Variants in ZDHHC14 observed in about 807,000 individuals in gnomAD.
The protein encoded by ZDHHC14 is zDHHC palmitoyltransferase 14, also known as palmitoyltransferase ZDHHC14.
A neutral mutation model predicts 47.7 loss-of-function variants in ZDHHC14; 16 were observed. The observed-to-expected ratio is 0.34, with a 90% CI of 0.23 to 0.51. The LOEUF is 0.51. Ranked by LOEUF, ZDHHC14 falls within the 20% of genes least tolerant of loss-of-function variation. The probability of loss-of-function intolerance (pLI) is 0.97; values close to 1 mark genes in which losing one functional copy is unlikely to be tolerated. For missense variants in ZDHHC14, 515 were observed against 662.5 expected, an observed-to-expected ratio of 0.78 and a Z score of 2.44; for synonymous variants, 293 against 278.9, an observed-to-expected ratio of 1.05 and a Z score of -0.50.
rs565488346 is a variant in ZDHHC14 at position 157,385,949 on chromosome 6, A to G, written c.245+3683A>G. Reference sequence around the variant, plus strand: ...TGAGATTAATAATAATCTACCTTTAAATGATGGGAAGATTAAATAGAAAAT... The same window carrying G: ...TGAGATTAATAATAATCTACCTTTAGATGATGGGAAGATTAAATAGAAAAT... On this transcript the variant is annotated intron_variant, in intron 1 of 8. Coordinates refer to ENST00000359775, the MANE Select transcript of ZDHHC14 (RefSeq NM_024630.3). 5.9e-4 allele frequency among the ~76,000 whole-genome samples: 90 copies of G among 152,348 alleles called. 1 individual carries two copies. Among genetic ancestry groups the G allele is most frequent in the African/African-American group, 2.1e-3 (86 of 41,576 alleles).
rs145657347 is a variant in ZDHHC14 at position 157,396,302 on chromosome 6, T to C, written c.245+14036T>C. The stretch of plus-strand genomic sequence containing the variant: ...GGACAGCTAGGCAAGTAATGACTCC[T>C]AGCAAGCTGATCTTTCCAGTGAGCC... On this transcript the variant is annotated intron_variant, in intron 1 of 8. Transcript: ENST00000359775. Among the ~76,000 whole-genome samples the C allele has an allele frequency of 1.8e-3, 273 of 152,244 alleles. 4 individuals are homozygous for C. The highest frequency in any genetic ancestry group is 0.014 in the Middle Eastern group (4 of 294).
At chr6:157,512,294 C>G (rs1409317894) in intron 1 of ZDHHC14, among the ~76,000 whole-genome samples, 1 of 152,248 alleles carries the variant, frequency 6.6e-6, no homozygotes, top group Non-Finnish European at 1.5e-5. Context: ...GCTGGGGGGC[C>G]CTCTGTAGGG....
intron 1 of ZDHHC14, among the ~76,000 whole-genome samples, chr6:157,385,195 C>T (rs1222956991): frequency 2.0e-5 from 3 of 152,130 alleles, no homozygotes; most frequent in Non-Finnish European, 4.4e-5. Context: ...CTCAAGCAAT[C>T]CTCCCTTCTC....
intron 2 of ZDHHC14, among the ~76,000 whole-genome samples, chr6:157,575,070 GGTGA>G (rs1231658129): frequency 1.3e-5 from 2 of 152,116 alleles, no homozygotes; most frequent in Non-Finnish European, 2.9e-5. Flanking sequence ...TGGAAAGTCA[GGTGA>G]GTTGGTGTTG....
rs533191035 is a variant in ZDHHC14 at position 157,654,524 on chromosome 6, G to C, written c.1068+897G>C. Among the ~76,000 whole-genome samples the C allele has an allele frequency of 2.6e-4, 39 of 152,236 alleles. 1 individual carries two copies. Among genetic ancestry groups the C allele is most frequent in the African/African-American group, 7.7e-4 (32 of 41,530 alleles). On this transcript the variant is annotated intron_variant, in intron 8 of 8. Coordinates refer to ENST00000359775, the MANE Select transcript of ZDHHC14 (RefSeq NM_024630.3). Reference sequence around the variant, plus strand: ...CAGAGACCTGACTTTCAGGTAGACTGGACGTGGGCAGCAGCCCAGAACACC... The same window carrying C: ...CAGAGACCTGACTTTCAGGTAGACTCGACGTGGGCAGCAGCCCAGAACACC...
At chr6:157,634,534 G>A (rs748344497) in intron 5 of ZDHHC14, among the ~76,000 whole-genome samples, 71 of 152,136 alleles carry the variant, frequency 4.7e-4, no homozygotes, top group Non-Finnish European at 2.5e-4. Context: ...TAGCCAAGTC[G>A]CCTCTCCCTT....
At chr6:157,644,631 C>T (rs1248762744) in intron 5 of ZDHHC14, among the ~76,000 whole-genome samples, 2 of 152,326 alleles carry the variant, frequency 1.3e-5, no homozygotes, top group Non-Finnish European at 2.9e-5. Flanking sequence ...ATGTGCTCAG[C>T]CCTCTGGTCT....
At chr6:157,499,959 T>C (rs1780158343) in intron 1 of ZDHHC14, among the ~76,000 whole-genome samples, 1 of 152,218 alleles carries the variant, frequency 6.6e-6, no homozygotes, top group African/African-American at 2.4e-5. Flanking sequence ...AAGGGGCTTA[T>C]GTTCTAGTAG....
intron 1 of ZDHHC14, among the ~76,000 whole-genome samples, chr6:157,389,804 A>G (rs573066805): frequency 6.6e-6 from 1 of 152,160 alleles, no homozygotes; most frequent in Non-Finnish European, 1.5e-5. Context: ...TATATTTTAC[A>G]TCCATATATG....
intron 1 of ZDHHC14, among the ~76,000 whole-genome samples, chr6:157,526,688 C>T (rs959090474): frequency 1.3e-5 from 2 of 152,192 alleles, no homozygotes; most frequent in African/African-American, 4.8e-5. Context: ...CCCTACATGG[C>T]CCTACGTCTG....
At chr6:157,630,512 A>T (rs768426047) in intron 4 of ZDHHC14, 1 of 151,960 alleles carries the variant, frequency 6.6e-6, no homozygotes, top group Non-Finnish European at 1.5e-5. Flanking sequence ...ATACTCACCA[A>T]TACGCTCACA....
intron 2 of ZDHHC14, among the ~76,000 whole-genome samples, chr6:157,580,283 G>T (rs1300167565): frequency 6.6e-6 from 1 of 152,072 alleles, no homozygotes; most frequent in Non-Finnish European, 1.5e-5. Flanking sequence ...TTGATGTGCT[G>T]CTAGATTCAG....
chr6:157,402,528 C>A (rs955143342), intron 1 of ZDHHC14, among the ~76,000 whole-genome samples: 3 of 152,220 alleles, frequency 2.0e-5, no homozygotes, highest in African/African-American at 7.2e-5. Flanking sequence ...TCCACTTCAT[C>A]CTCCCTTCTT....
chr6:157,492,615 G>T (rs572878209), intron 1 of ZDHHC14, among the ~76,000 whole-genome samples: 74 of 152,308 alleles, frequency 4.9e-4, no homozygotes, highest in African/African-American at 1.7e-3. Context: ...TGTCTTGTGC[G>T]GAAGGCTGTG....
In ZDHHC14 at chr6:157,673,106, A is replaced by T; in HGVS notation, c.1451A>T (p.Lys484Met). The change falls in exon 9 of 9, where the codon AAG becomes ATG. Residue 484 changes from lysine (K) to methionine (M), a missense_variant. By Grantham distance (95) the Lys-to-Met change is moderately conservative (BLOSUM62 -1). Transcript: ENST00000359775. The surrounding 1 kb of genome is among the most constrained non-coding windows in gnomAD (Gnocchi z 5.4). ...LHEDSVRGLV[K>M]LSSV ...GAGGACTCTGTGCGCGGCCTGGTGAAGCTCAGCTCCGTGTGACCCACATGG... is the reference window on the plus strand; with the variant it reads ...GAGGACTCTGTGCGCGGCCTGGTGATGCTCAGCTCCGTGTGACCCACATGG... 1.9e-6 allele frequency: 3 copies of T among 1,574,346 alleles called. No individual in the cohort carries two copies. Among genetic ancestry groups the T allele is most frequent in the Non-Finnish European group, 2.6e-6 (3 of 1,168,982 alleles).
Position 157,473,865 on chromosome 6 carries a change from T to G in ZDHHC14, c.246-68720T>G, listed in dbSNP as rs192478098. On this transcript the variant is annotated intron_variant, in intron 1 of 8. Coordinates refer to ENST00000359775, the MANE Select transcript of ZDHHC14 (RefSeq NM_024630.3). The stretch of plus-strand genomic sequence containing the variant: ...ATTTCATGTTTAGACTTGTGTTCCA[T>G]CTCCAAGATGCCTCATTATCTATAT... 2.3e-3 allele frequency among the ~76,000 whole-genome samples: 350 copies of G among 151,970 alleles called. 1 individual carries two copies. The highest frequency in any genetic ancestry group is 7.9e-3 in the African/African-American group (325 of 41,380).
At chr6:157,524,217 C>A (rs529292758) in intron 1 of ZDHHC14, among the ~76,000 whole-genome samples, 23 of 152,020 alleles carry the variant, frequency 1.5e-4, no homozygotes, top group Admixed American at 2.6e-4. Flanking sequence ...GCAACCTCCA[C>A]CTCCCAGGTT....
intron 1 of ZDHHC14, among the ~76,000 whole-genome samples, chr6:157,472,002 G>T (rs1779366066): frequency 6.6e-6 from 1 of 152,150 alleles, no homozygotes; most frequent in Non-Finnish European, 1.5e-5. Context: ...CCACATAAAG[G>T]CAGGGCGGGT....
At chr6:157,569,730 C>A (rs1783029728) in intron 2 of ZDHHC14, among the ~76,000 whole-genome samples, 1 of 152,012 alleles carries the variant, frequency 6.6e-6, no homozygotes, top group African/African-American at 2.4e-5. Flanking sequence ...GTTTTCAAAA[C>A]CCCCTTCAAG....
Sources: allele counts gnomAD v4.1 joint callset (sites outside exome capture counted in the v4.1 genomes callset), GRCh38; gene constraint gnomAD v4.1.1; non-coding constraint Gnocchi (gnomAD v3.1); transcripts MANE v1.5; gene names NCBI Gene and HGNC (gene_info 2026-07-23, HGNC 2026-07-21).